EXOC6B: variants seen among roughly 807,000 people sequenced by gnomAD.
EXOC6B encodes the protein SEC15 homolog B.
A neutral mutation model predicts 113.5 loss-of-function variants in EXOC6B; 54 were observed. The ratio of observed to expected loss-of-function variants is 0.48; its 90% confidence interval spans 0.38 to 0.60. The LOEUF is 0.60. Ranked by LOEUF, EXOC6B falls within the 20% of genes least tolerant of loss-of-function variation. EXOC6B has a pLI of 0.00. For synonymous variants in EXOC6B, 357 were observed against 339.0 expected (o/e 1.05, Z -0.58); for missense variants, 797 against 977.5 (o/e 0.82, Z 2.46).
At chr2:72,769,893 G>A (rs1316969164) in intron 1 of EXOC6B, among the ~76,000 whole-genome samples, 3 of 152,010 alleles carry the variant, frequency 2.0e-5, no homozygotes, top group East Asian at 1.9e-4. Flanking sequence ...AGCACTTAGG[G>A]AAAAAGAAAA....
At chr2:72,688,248 C>T (rs1471493618) in intron 6 of EXOC6B, among the ~76,000 whole-genome samples, 1 of 152,092 alleles carries the variant, frequency 6.6e-6, no homozygotes, top group Non-Finnish European at 1.5e-5. Flanking sequence ...TAAGTTCCCC[C>T]AGAAGGAGAA....
chr2:72,427,561 G>A (rs1695273307), intron 18 of EXOC6B, among the ~76,000 whole-genome samples: 1 of 152,206 alleles, frequency 6.6e-6, no homozygotes, highest in South Asian at 2.1e-4. Context: ...GCCCCCTGCT[G>A]CCTTGGCCCC....
At chr2:72,586,649 G>A (rs1705597778) in intron 6 of EXOC6B, among the ~76,000 whole-genome samples, 1 of 152,104 alleles carries the variant, frequency 6.6e-6, no homozygotes, top group Admixed American at 6.6e-5. Context: ...CTACTTGGAA[G>A]GCTGAGGCAG....
intron 1 of EXOC6B, among the ~76,000 whole-genome samples, chr2:72,824,915 T>C (rs1006614299): frequency 3.3e-5 from 5 of 152,194 alleles, no homozygotes; most frequent in Non-Finnish European, 5.9e-5. Context: ...TCCCCCACTT[T>C]ATTTTCTCTG....
intron 6 of EXOC6B, among the ~76,000 whole-genome samples, chr2:72,580,135 A>ATTTTT (rs1205164863): frequency 6.4e-5 from 6 of 93,762 alleles, no homozygotes; most frequent in Non-Finnish European, 1.2e-4. Flanking sequence ...AGAAATAAGA[A>ATTTTT]TTTTTTTTTT....
At chr2:72,426,878 G>A (rs1695228664) in intron 18 of EXOC6B, among the ~76,000 whole-genome samples, 2 of 152,250 alleles carry the variant, frequency 1.3e-5, no homozygotes, top group South Asian at 4.1e-4. Flanking sequence ...GGAGGTGCAA[G>A]CAGTGGCTGC....
At chr2:72,247,130 C>G (rs1415961479) in intron 20 of EXOC6B, among the ~76,000 whole-genome samples, 1 of 152,154 alleles carries the variant, frequency 6.6e-6, no homozygotes, top group African/African-American at 2.4e-5. Context: ...AGGCAAATAT[C>G]TTTTATCATT....
At chr2:72,698,999 T>C (rs1251421394) in intron 6 of EXOC6B, among the ~76,000 whole-genome samples, 4 of 152,226 alleles carry the variant, frequency 2.6e-5, no homozygotes, top group Non-Finnish European at 4.4e-5. Flanking sequence ...AACATATATC[T>C]ATTTCAGAGA....
intron 19 of EXOC6B, among the ~76,000 whole-genome samples, chr2:72,353,982 G>A (rs975871076): frequency 1.3e-5 from 2 of 152,174 alleles, no homozygotes; most frequent in Admixed American, 6.5e-5. Context: ...AAGAAGGATG[G>A]AGCAGCAAGC....
intron 16 of EXOC6B, 100 bp from the exon 17 acceptor site, chr2:72,480,850 T>C (rs2105488292): frequency 1.7e-6 from 2 of 1,190,434 alleles, no homozygotes; most frequent in Non-Finnish European, 2.3e-6. Flanking sequence ...TAAGGCATAA[T>C]GGAAAAGGCC....
At position 72,741,488 on chromosome 2, in the gene EXOC6B, C is replaced by A. The variant is rs747119458; in HGVS notation, c.114-19G>T. 15 of 1,589,492 alleles carry A rather than the reference C, an allele frequency of 9.4e-6. No individual in the cohort carries two copies. The highest frequency in any genetic ancestry group is 1.2e-5 in the Non-Finnish European group (14 of 1,170,470). On this transcript the variant is annotated intron_variant, in intron 1 of 21. Coordinates refer to ENST00000272427, the MANE Select transcript of EXOC6B (RefSeq NM_015189.3). Reference sequence around the variant, plus strand: ...AACAGACCTTTAAAAAAAAATGGCACGAAGATTATACCATGGTTACTTCTA... The same window carrying A: ...AACAGACCTTTAAAAAAAAATGGCAAGAAGATTATACCATGGTTACTTCTA...
At chr2:72,211,455 T>A (rs767205494) in intron 20 of EXOC6B, among the ~76,000 whole-genome samples, 1 of 152,150 alleles carries the variant, frequency 6.6e-6, no homozygotes, top group African/African-American at 2.4e-5. Context: ...CTGGGCCCTG[T>A]TTTTTCTGCA....
chr2:72,400,199 T>C (rs1693048032), intron 18 of EXOC6B, among the ~76,000 whole-genome samples: 2 of 152,088 alleles, frequency 1.3e-5, no homozygotes. Flanking sequence ...CCCTATTCAG[T>C]AAACAGTTTT....
At chr2:72,307,141 G>T (rs566848903) in intron 20 of EXOC6B, among the ~76,000 whole-genome samples, 2 of 142,598 alleles carry the variant, frequency 1.4e-5, no homozygotes, top group African/African-American at 3.0e-5. Flanking sequence ...GGCTTTCCAT[G>T]ACTGCAATGG....
chr2:72,738,551 T>C (rs1262381161), intron 2 of EXOC6B, among the ~76,000 whole-genome samples: 1 of 152,216 alleles, frequency 6.6e-6, no homozygotes, highest in Non-Finnish European at 1.5e-5. Flanking sequence ...AAATCGTCAG[T>C]TGAAACTGCA....
intron 6 of EXOC6B, among the ~76,000 whole-genome samples, chr2:72,711,183 A>AT (rs201683432): frequency 4.6e-5 from 7 of 150,806 alleles, no homozygotes; most frequent in South Asian, 2.1e-4. Context: ...CTTTTTGAGG[A>AT]TTTTTTTTTT....
At chr2:72,585,281 A>C (rs925485873) in intron 6 of EXOC6B, among the ~76,000 whole-genome samples, 1 of 152,176 alleles carries the variant, frequency 6.6e-6, no homozygotes, top group African/African-American at 2.4e-5. Flanking sequence ...AAAAGAGAGA[A>C]AATCCAAAAT....
chr2:72,208,326 G>T (rs1025306124), intron 20 of EXOC6B, among the ~76,000 whole-genome samples: 1 of 151,982 alleles, frequency 6.6e-6, no homozygotes, highest in Admixed American at 6.6e-5. Flanking sequence ...TTATAATTGA[G>T]AACATGCAGT....
chr2:72,396,162 T>A (rs1247092700), intron 18 of EXOC6B, among the ~76,000 whole-genome samples: 1 of 152,102 alleles, frequency 6.6e-6, no homozygotes, highest in Non-Finnish European at 1.5e-5. Flanking sequence ...GAGAGGATAC[T>A]CTTAAATAAT....
Sources: gnomAD v4.1 joint callset for allele counts (sites outside exome capture counted in the v4.1 genomes callset) on GRCh38, gnomAD v4.1.1 for gene constraint, MANE v1.5 for transcripts, NCBI Gene and HGNC (gene_info 2026-07-23, HGNC 2026-07-21) for gene names.